Variants in FAM47E observed in about 807,000 individuals in gnomAD.
FAM47E encodes family with sequence similarity 47 member E.
FAM47E carries 32 observed loss-of-function variants against 41.6 expected under a neutral mutation model. The observed-to-expected ratio is 0.77, with a 90% CI of 0.58 to 1.03. The LOEUF is 1.03. Among genes scored for constraint, FAM47E ranks in the 50% least tolerant of loss-of-function variants. FAM47E has a pLI of 0.00. For synonymous variants in FAM47E, 184 were observed against 188.7 expected, an observed-to-expected ratio of 0.98 and a Z score of 0.20; for missense variants, 424 against 485.4, an observed-to-expected ratio of 0.87 and a Z score of 1.19.
intron 2 of FAM47E, among the ~76,000 whole-genome samples, chr4:76,262,789 T>C (rs1044327123): frequency 1.3e-5 from 2 of 152,094 alleles, no homozygotes; most frequent in African/African-American, 4.8e-5. Flanking sequence ...TTGAGACAGG[T>C]TCTCATTCTG....
At chr4:76,234,403 C>CAT (rs1733547544) in intron 2 of FAM47E, 1 of 152,254 alleles carries the variant, frequency 6.6e-6, no homozygotes, top group Admixed American at 6.5e-5. Flanking sequence ...AAAATTCAGG[C>CAT]TTGCAGACAA....
intron 2 of FAM47E, among the ~76,000 whole-genome samples, chr4:76,227,512 T>C (rs1329176295): frequency 2.0e-5 from 3 of 152,240 alleles, no homozygotes; most frequent in African/African-American, 7.2e-5. Flanking sequence ...ATGAATATTC[T>C]GCAGTTGTTG....
intron 3 of FAM47E, 58 bp downstream of exon 3, chr4:76,263,901 A>G (rs1288903680): frequency 6.6e-7 from 1 of 1,524,416 alleles, no homozygotes; most frequent in South Asian, 1.2e-5. Flanking sequence ...CATTCTAGGA[A>G]TTACCTTCTT....
intron 1 of FAM47E, among the ~76,000 whole-genome samples, chr4:76,255,438 A>T (rs1734146854): frequency 6.6e-6 from 1 of 152,182 alleles, no homozygotes; most frequent in Non-Finnish European, 1.5e-5. Context: ...TATGATTCTT[A>T]TTAAAACACA....
intron 5 of FAM47E, among the ~76,000 whole-genome samples, chr4:76,276,895 T>A (rs377641085): frequency 1.3e-5 from 2 of 152,174 alleles, no homozygotes; most frequent in East Asian, 3.9e-4. Context: ...GTCTCCTCTG[T>A]CCCATCCTCT....
chr4:76,271,208 C>A (rs1339948083), intron 4 of FAM47E, among the ~76,000 whole-genome samples: 1 of 152,228 alleles, frequency 6.6e-6, no homozygotes, highest in Non-Finnish European at 1.5e-5. Flanking sequence ...AGCTGTGAAC[C>A]TGGCAGCTTC....
chr4:76,231,828 T>C (rs1251930984), intron 2 of FAM47E, among the ~76,000 whole-genome samples: 1 of 152,192 alleles, frequency 6.6e-6, no homozygotes, highest in Non-Finnish European at 1.5e-5. Context: ...TTACTGACCA[T>C]AGGAACCCTG....
intron 2 of FAM47E, among the ~76,000 whole-genome samples, chr4:76,220,484 G>A (rs762074783): frequency 1.3e-5 from 2 of 152,060 alleles, no homozygotes; most frequent in Non-Finnish European, 2.9e-5. Context: ...AAAATTAGAT[G>A]GGCACGGTGG....
At chr4:76,250,705 A>G (rs1733938075), upstream of FAM47E, among the ~76,000 whole-genome samples, 1 of 152,188 alleles carries the variant, frequency 6.6e-6, no homozygotes, top group Non-Finnish European at 1.5e-5. Flanking sequence ...TTACAATCGG[A>G]CTAATATCAA....
intron 2 of FAM47E, among the ~76,000 whole-genome samples, chr4:76,237,434 A>G (rs1733612079): frequency 6.6e-6 from 1 of 150,898 alleles, no homozygotes; most frequent in African/African-American, 2.4e-5. Flanking sequence ...AAAACAGTGA[A>G]GGTATATAGG....
chr4:76,235,691 A>G (rs1417895780), intron 2 of FAM47E, among the ~76,000 whole-genome samples: 1 of 152,216 alleles, frequency 6.6e-6, no homozygotes, highest in African/African-American at 2.4e-5. Flanking sequence ...TTACCAACTT[A>G]AGACCATATG....
intron 2 of FAM47E, among the ~76,000 whole-genome samples, chr4:76,227,402 G>A (rs903363660): frequency 3.9e-5 from 6 of 152,088 alleles, no homozygotes; most frequent in Non-Finnish European, 5.9e-5. Flanking sequence ...GTTTGAGAGG[G>A]TACTTGATAT....
chr4:76,225,158 T>C (rs1387444028), intron 2 of FAM47E, among the ~76,000 whole-genome samples: 1 of 152,224 alleles, frequency 6.6e-6, no homozygotes, highest in East Asian at 1.9e-4. Flanking sequence ...ATAGTAAATA[T>C]ATATACCACA....
At chr4:76,225,420 C>T (rs971045045) in intron 2 of FAM47E, among the ~76,000 whole-genome samples, 5 of 152,148 alleles carry the variant, frequency 3.3e-5, no homozygotes, top group African/African-American at 1.2e-4. Context: ...ACTTCTAGTA[C>T]AATGTTGAAT....
chr4:76,243,297 A>G (rs933626390), intron 2 of FAM47E, among the ~76,000 whole-genome samples: 3 of 152,198 alleles, frequency 2.0e-5, no homozygotes, highest in African/African-American at 7.2e-5. Context: ...ATCTCTGCTC[A>G]TGTCTGATAT....
chr4:76,230,153 G>T (rs1733468901), intron 2 of FAM47E, among the ~76,000 whole-genome samples: 1 of 152,168 alleles, frequency 6.6e-6, no homozygotes, highest in African/African-American at 2.4e-5. Flanking sequence ...CATGAGGTGG[G>T]TGCAGGGTTA....
chr4:76,254,881 G>T (rs997018982), intron 1 of FAM47E, among the ~76,000 whole-genome samples: 1 of 152,118 alleles, frequency 6.6e-6, no homozygotes, highest in Non-Finnish European at 1.5e-5. Flanking sequence ...CTTCCTGTTT[G>T]CCCATCTGTC....
chr4:76,260,008 G>A (rs1265326574), intron 2 of FAM47E, among the ~76,000 whole-genome samples: 1 of 152,066 alleles, frequency 6.6e-6, no homozygotes, highest in Non-Finnish European at 1.5e-5. Flanking sequence ...TTTAATGAAG[G>A]AAGTGAAAGA....
At chr4:76,236,955 G>T (rs540079922) in intron 2 of FAM47E, among the ~76,000 whole-genome samples, 2 of 150,908 alleles carry the variant, frequency 1.3e-5, no homozygotes, top group South Asian at 4.2e-4. Flanking sequence ...GAGTGCAGTG[G>T]CATGATCTCG....
Sources: allele counts gnomAD v4.1 joint callset (sites outside exome capture counted in the v4.1 genomes callset), GRCh38; gene constraint gnomAD v4.1.1; transcripts MANE v1.5; gene names NCBI Gene and HGNC (gene_info 2026-07-23, HGNC 2026-07-21).